Variants in ADGRB3 observed in about 807,000 individuals in gnomAD.
ADGRB3 encodes the protein adhesion G protein-coupled receptor B3.
In ADGRB3, 37 loss-of-function variants were observed where a neutral mutation model predicts 193.4. The observed-to-expected ratio is 0.19, with a 90% CI of 0.15 to 0.25. The LOEUF (loss-of-function observed/expected upper bound fraction) is 0.25. ADGRB3 is among the 10% of genes least tolerant of loss of function. The pLI is 1.00. For synonymous variants in ADGRB3, 690 were observed against 644.2 expected, an observed-to-expected ratio of 1.07 and a Z score of -1.08; for missense variants, 1,637 against 1,852.9, an observed-to-expected ratio of 0.88 and a Z score of 2.14.
intron 3 of ADGRB3, among the ~76,000 whole-genome samples, chr6:68,694,634 C>G (rs554324957): frequency 6.6e-6 from 1 of 152,002 alleles, no homozygotes; most frequent in Admixed American, 6.6e-5. Context: ...TTCCTCTCCT[C>G]CTGATCCCTT....
chr6:69,376,298 A>G (rs1769820476), intron 30 of ADGRB3, among the ~76,000 whole-genome samples: 1 of 151,646 alleles, frequency 6.6e-6, no homozygotes. Flanking sequence ...GGGTCTCACC[A>G]TGTTGCCCAG....
At chr6:68,828,009 C>T (rs1211546520) in intron 3 of ADGRB3, among the ~76,000 whole-genome samples, 1 of 152,146 alleles carries the variant, frequency 6.6e-6, no homozygotes, top group Non-Finnish European at 1.5e-5. Context: ...ACCATTAGGA[C>T]TTAATCTCTT....
At chr6:69,017,569 G>A (rs563696012) in intron 12 of ADGRB3, among the ~76,000 whole-genome samples, 18 of 151,912 alleles carry the variant, frequency 1.2e-4, no homozygotes, top group South Asian at 6.2e-4. Context: ...AAAAACACTC[G>A]TCCATTTGTA....
intron 6 of ADGRB3, among the ~76,000 whole-genome samples, chr6:68,954,627 A>T (rs192328448): frequency 6.6e-6 from 1 of 151,650 alleles, no homozygotes; most frequent in Non-Finnish European, 1.5e-5. Flanking sequence ...TCTCAATCCT[A>T]CACTAGATCT....
chr6:68,868,771 A>C (rs1335897450), intron 3 of ADGRB3, among the ~76,000 whole-genome samples: 1 of 152,168 alleles, frequency 6.6e-6, no homozygotes, highest in East Asian at 1.9e-4. Flanking sequence ...ACATTTGTGC[A>C]ATATTTCTGT....
At chr6:68,785,313 C>A (rs202014190) in intron 3 of ADGRB3, among the ~76,000 whole-genome samples, 15 of 120,208 alleles carry the variant, frequency 1.2e-4, no homozygotes, top group Admixed American at 2.9e-4. Context: ...CCCCTCCCCC[C>A]ACCCCACAAC....
rs148331790 is a variant in ADGRB3 at position 68,841,661 on chromosome 6, A to C, written c.758-88898A>C. Among the ~76,000 whole-genome samples the C allele has an allele frequency of 2.4e-4, 37 of 152,236 alleles. No homozygotes were observed. The East Asian group carries it at 5.0e-3, about 21-fold the overall frequency. ...AGTGCCTACATCAAAAAAGTAGAAA[A>C]ACTTCAAATAAACAACCTGATGATG... On this transcript the variant is annotated intron_variant, in intron 3 of 31. Coordinates refer to ENST00000370598, the MANE Select transcript of ADGRB3 (RefSeq NM_001704.3).
At chr6:69,322,189 T>G (rs990180523) in intron 20 of ADGRB3, among the ~76,000 whole-genome samples, 5 of 152,122 alleles carry the variant, frequency 3.3e-5, no homozygotes, top group Admixed American at 6.6e-5. Flanking sequence ...GATCTCATTC[T>G]TTTTTATGGC....
chr6:69,202,321 C>A (rs1379806074), intron 17 of ADGRB3, among the ~76,000 whole-genome samples: 4 of 151,990 alleles, frequency 2.6e-5, no homozygotes, highest in Non-Finnish European at 5.9e-5. Flanking sequence ...TTACTAAAAC[C>A]TCTATACTTT....
At chr6:68,984,162 T>G (rs1257123339) in intron 10 of ADGRB3, among the ~76,000 whole-genome samples, 1 of 152,066 alleles carries the variant, frequency 6.6e-6, no homozygotes, top group African/African-American at 2.4e-5. Flanking sequence ...AGAAGAGGGA[T>G]GGTTTGATTA....
At chr6:69,203,131 G>GA (rs960262092) in intron 17 of ADGRB3, among the ~76,000 whole-genome samples, 11 of 151,932 alleles carry the variant, frequency 7.2e-5, no homozygotes, top group South Asian at 2.1e-4. Context: ...TATTTGATTT[G>GA]AAAAAAACAA....
chr6:69,157,567 C>G (rs1047296785), intron 17 of ADGRB3, among the ~76,000 whole-genome samples: 16 of 151,796 alleles, frequency 1.1e-4, no homozygotes, highest in African/African-American at 3.9e-4. Flanking sequence ...TGGGTTTGGT[C>G]CTGTGATTCT....
chr6:69,099,951 C>T (rs1034337956), intron 17 of ADGRB3, among the ~76,000 whole-genome samples: 2 of 151,966 alleles, frequency 1.3e-5, no homozygotes, highest in African/African-American at 4.8e-5. Context: ...TATAAATATT[C>T]CTAAAGAACA....
intron 3 of ADGRB3, among the ~76,000 whole-genome samples, chr6:68,641,267 G>C (rs1399972990): frequency 6.6e-6 from 1 of 152,140 alleles, no homozygotes; most frequent in Non-Finnish European, 1.5e-5. Flanking sequence ...AAACAAAGTT[G>C]TTGTGTGTGC....
intron 13 of ADGRB3, among the ~76,000 whole-genome samples, chr6:69,034,385 A>G (rs1770803862): frequency 6.6e-6 from 1 of 151,672 alleles, no homozygotes; most frequent in Non-Finnish European, 1.5e-5. Flanking sequence ...ACAGAATTTT[A>G]GAAATATGGA....
At chr6:68,698,993 C>G (rs1413247604) in intron 3 of ADGRB3, among the ~76,000 whole-genome samples, 2 of 151,968 alleles carry the variant, frequency 1.3e-5, no homozygotes, top group Non-Finnish European at 2.9e-5. Context: ...ATTTATCTAA[C>G]TTTTGTATAA....
At chr6:68,654,511 T>C (rs1768446635) in intron 3 of ADGRB3, among the ~76,000 whole-genome samples, 1 of 151,956 alleles carries the variant, frequency 6.6e-6, no homozygotes, top group Admixed American at 6.6e-5. Context: ...TTTTTTCTTC[T>C]TATGTATTGT....
At chr6:69,001,022 A>G (rs138286144) in intron 11 of ADGRB3, among the ~76,000 whole-genome samples, 1 of 152,314 alleles carries the variant, frequency 6.6e-6, no homozygotes, top group East Asian at 1.9e-4. Flanking sequence ...CTTGGCCTCA[A>G]GCTGCTTATG....
At chr6:69,208,185 G>C (rs990031369) in intron 17 of ADGRB3, among the ~76,000 whole-genome samples, 18 of 152,198 alleles carry the variant, frequency 1.2e-4, no homozygotes, top group African/African-American at 4.3e-4. Flanking sequence ...GGGGTGGCTG[G>C]GGAAAGAGGC....
Sources: gnomAD v4.1 joint callset for allele counts (sites outside exome capture counted in the v4.1 genomes callset) on GRCh38, gnomAD v4.1.1 for gene constraint, MANE v1.5 for transcripts, NCBI Gene and HGNC (gene_info 2026-07-23, HGNC 2026-07-21) for gene names.